The following LRRTM4 variants were observed in gnomAD, a reference collection of about 807,000 sequenced individuals.
The protein encoded by LRRTM4 is leucine-rich repeat transmembrane neuronal protein 4.
LRRTM4 carries 25 observed loss-of-function variants against 47.6 expected under a neutral mutation model. The ratio of observed to expected loss-of-function variants is 0.53; its 90% CI spans 0.38 to 0.73. The LOEUF (loss-of-function observed/expected upper bound fraction) is 0.73. LRRTM4 is among the 30% of genes least tolerant of loss of function. LRRTM4 has a pLI of 0.00. For synonymous variants in LRRTM4, 311 were observed against 269.5 expected (o/e 1.15, Z -1.51); for missense variants, 638 against 713.4 (o/e 0.89, Z 1.20).
chr2:77,066,598 C>T (rs1002519117), intron 3 of LRRTM4, among the ~76,000 whole-genome samples: 3 of 152,018 alleles, frequency 2.0e-5, no homozygotes, highest in Non-Finnish European at 4.4e-5. Flanking sequence ...TAATAAAATG[C>T]CAACATGAAG....
intron 3 of LRRTM4, among the ~76,000 whole-genome samples, chr2:76,754,358 C>G (rs374331245): frequency 1.3e-5 from 2 of 151,632 alleles, no homozygotes; most frequent in South Asian, 4.2e-4. Flanking sequence ...CTGATAGAAC[C>G]TCAACTCATT....
intron 3 of LRRTM4, among the ~76,000 whole-genome samples, chr2:77,092,573 A>T (rs1470904464): frequency 2.4e-5 from 3 of 125,304 alleles, no homozygotes; most frequent in Non-Finnish European, 3.1e-5. Context: ...AAGCTCGAGG[A>T]TTTGCCCCCA....
intron 3 of LRRTM4, among the ~76,000 whole-genome samples, chr2:76,940,885 CTTTG>C (rs1261178941): frequency 1.3e-5 from 2 of 152,118 alleles, no homozygotes; most frequent in South Asian, 2.1e-4. Context: ...TCTCTCTTTT[CTTTG>C]TTTTGTTGAC....
At chr2:77,401,106 A>G (rs59835406) in intron 3 of LRRTM4, among the ~76,000 whole-genome samples, 4,934 of 151,958 alleles carry the variant, frequency 0.032, 275 homozygotes, top group African/African-American at 0.11. Context: ...ATAGAAAAAT[A>G]TTGCTGGTTG....
intron 3 of LRRTM4, among the ~76,000 whole-genome samples, chr2:77,108,578 C>CTTTTTTTTTTTTTTTTTTTTT (rs200805423): frequency 3.5e-5 from 5 of 142,948 alleles, no homozygotes; most frequent in Non-Finnish European, 6.0e-5. Context: ...CACAAACATT[C>CTTTTTTTTTTTTTTTTTTTTT]TTTTTTTTTT....
intron 3 of LRRTM4, among the ~76,000 whole-genome samples, chr2:77,487,892 C>G (rs796731815): frequency 2.6e-5 from 4 of 152,164 alleles, no homozygotes; most frequent in African/African-American, 9.7e-5. Flanking sequence ...CTACCCACTT[C>G]GGGTCTCCTG....
At chr2:76,763,145 T>A (rs912995390) in intron 3 of LRRTM4, among the ~76,000 whole-genome samples, 20 of 152,276 alleles carry the variant, frequency 1.3e-4, no homozygotes, top group African/African-American at 4.6e-4. Context: ...GTGGCATATA[T>A]TTACTAGGGA....
At chr2:76,947,452 G>T (rs549239152) in intron 3 of LRRTM4, among the ~76,000 whole-genome samples, 17 of 151,744 alleles carry the variant, frequency 1.1e-4, no homozygotes, top group Middle Eastern at 6.8e-3. Context: ...CAATAATGTG[G>T]GAATAATGAA....
At chr2:77,330,931 C>T (rs1670950501) in intron 3 of LRRTM4, among the ~76,000 whole-genome samples, 1 of 152,046 alleles carries the variant, frequency 6.6e-6, no homozygotes, top group South Asian at 2.1e-4. Context: ...GTCAAAAGGG[C>T]ACTTTTATCC....
rs187955708 is a variant in LRRTM4 at position 77,467,788 on chromosome 2, A to C, written c.1551+50530T>G. The stretch of plus-strand genomic sequence containing the variant: ...TATGTGAGAGTGGTCATAAGTTTGG[A>C]TGGTAGGGAAAATGACAAGATCTTT... On this transcript the variant is annotated intron_variant, in intron 3 of 3. Coordinates refer to ENST00000409884, the MANE Select transcript of LRRTM4 (RefSeq NM_001134745.3). Among the ~76,000 whole-genome samples, 104 of 152,294 alleles carry C rather than the reference A, an allele frequency of 6.8e-4. 3 individuals are homozygous for C. In the South Asian group the frequency reaches 0.02, roughly 30 times the overall value.
rs1338917871 is a variant in LRRTM4, at chr2:77,217,468, T to TATATATATATATATAC, written c.1551+300849_1551+300850insGTATATATATATATAT. On this transcript the variant is annotated intron_variant, in intron 3 of 3. Coordinates refer to ENST00000409884, the MANE Select transcript of LRRTM4 (RefSeq NM_001134745.3). ...ATATATATATATATATATATATATATACTAAGCCTTTAATTTAAAAAGATA... is the reference window on the plus strand; with the variant it reads ...ATATATATATATATATATATATATATATATATATATATATACACTAAGCCTTTAATTTAAAAAGATA... Among the ~76,000 whole-genome samples, 428 of 134,192 alleles carry TATATATATATATATAC rather than the reference T, an allele frequency of 3.2e-3. 11 individuals carry two copies. Among genetic ancestry groups the TATATATATATATATAC allele is most frequent in the African/African-American group, 7.4e-3 (255 of 34,490 alleles). The allele number at this position is 134,192 out of a possible 152,430, so 88.0% of individuals were successfully genotyped here. A position where few individuals can be genotyped will look rare whatever the true frequency, so the allele number is the denominator to read the frequency against.
chr2:77,213,329 T>C (rs369256701), intron 3 of LRRTM4, among the ~76,000 whole-genome samples: 179 of 152,198 alleles, frequency 1.2e-3, no homozygotes, highest in African/African-American at 4.0e-3. Flanking sequence ...ATAAACTGGA[T>C]CTTAATCGCA....
intron 3 of LRRTM4, among the ~76,000 whole-genome samples, chr2:77,403,069 A>G (rs1367187643): frequency 6.6e-6 from 1 of 151,998 alleles, no homozygotes; most frequent in African/African-American, 2.4e-5. Flanking sequence ...AATGAACCAT[A>G]AAAATTCTTC....
At chr2:77,081,719 T>C (rs1015912082) in intron 3 of LRRTM4, among the ~76,000 whole-genome samples, 17 of 152,182 alleles carry the variant, frequency 1.1e-4, no homozygotes, top group Non-Finnish European at 1.8e-4. Flanking sequence ...TGGATAGGCT[T>C]TTAAAAAATT....
intron 3 of LRRTM4, among the ~76,000 whole-genome samples, chr2:77,330,017 G>A (rs573237294): frequency 6.6e-6 from 1 of 152,128 alleles, no homozygotes; most frequent in Non-Finnish European, 1.5e-5. Context: ...GCATATGAGA[G>A]AGGAGGCAAA....
chr2:77,209,095 C>T (rs1482700008), intron 3 of LRRTM4, among the ~76,000 whole-genome samples: 1 of 152,132 alleles, frequency 6.6e-6, no homozygotes, highest in African/African-American at 2.4e-5. Context: ...ACATGGCTCC[C>T]TCCATTCCAA....
At chr2:77,281,283 T>C (rs367598775) in intron 3 of LRRTM4, among the ~76,000 whole-genome samples, 3 of 152,062 alleles carry the variant, frequency 2.0e-5, no homozygotes, top group African/African-American at 4.8e-5. Flanking sequence ...ATTCTTAGGA[T>C]TGAAGAATCT....
At chr2:77,304,874 C>T (rs1243195451) in intron 3 of LRRTM4, among the ~76,000 whole-genome samples, 1 of 151,978 alleles carries the variant, frequency 6.6e-6, no homozygotes, top group Non-Finnish European at 1.5e-5. Flanking sequence ...AAGTGAATGC[C>T]TTTCTGAGTC....
chr2:77,383,913 C>T lies in LRRTM4; in HGVS notation c.1551+134405G>A, dbSNP rs546221167. The stretch of plus-strand genomic sequence containing the variant: ...TTAAGACCTGAAGAGAATTCTGATG[C>T]GAGCTCAGGTAAGAGAACCACTACA... On this transcript the variant is annotated intron_variant, in intron 3 of 3. Transcript: ENST00000409884. Among the ~76,000 whole-genome samples the T allele has an allele frequency of 2.0e-5, 3 of 152,026 alleles. No individual in the cohort carries two copies. The South Asian group carries it at 6.2e-4, about 31-fold the overall frequency.
Sources: gnomAD v4.1 joint callset for allele counts (sites outside exome capture counted in the v4.1 genomes callset) on GRCh38, gnomAD v4.1.1 for gene constraint, MANE v1.5 for transcripts, NCBI Gene and HGNC (gene_info 2026-07-23, HGNC 2026-07-21) for gene names.